The following KLF12 variants were observed in gnomAD, a reference collection of about 807,000 sequenced individuals.
The protein encoded by KLF12 is Krueppel-like factor 12.
A neutral mutation model predicts 37.8 loss-of-function variants in KLF12; 9 were observed. The observed-to-expected ratio is 0.24, with a 90% CI of 0.14 to 0.42. The LOEUF is 0.42. Among genes scored for constraint, KLF12 ranks in the 10% least tolerant of loss-of-function variants. KLF12 has a pLI of 1.00. For synonymous variants in KLF12, 208 were observed against 202.1 expected (o/e 1.03, Z -0.25); for missense variants, 411 against 516.0 (o/e 0.80, Z 1.97).
At chr13:73,793,863 G>A (rs771243705) in intron 5 of KLF12, among the ~76,000 whole-genome samples, 5 of 152,170 alleles carry the variant, frequency 3.3e-5, no homozygotes, top group Non-Finnish European at 5.9e-5. Context: ...CGTCATGATA[G>A]TGAAAACACA....
At chr13:74,219,170 G>C in the KLF12 span, among the ~76,000 whole-genome samples, 2 of 152,082 alleles carry the variant, frequency 1.3e-5, no homozygotes, top group African/African-American at 2.4e-5. Context: ...TGGCCAGGCT[G>C]GTCCTGAACT....
chr13:73,748,748 T>G (rs1878540251), intron 6 of KLF12, among the ~76,000 whole-genome samples: 2 of 152,162 alleles, frequency 1.3e-5, no homozygotes, highest in African/African-American at 4.8e-5. Flanking sequence ...GGAGATATAT[T>G]TTTGTTGTAT....
At chr13:73,855,203 T>C (rs919281556) in intron 3 of KLF12, among the ~76,000 whole-genome samples, 7 of 152,198 alleles carry the variant, frequency 4.6e-5, no homozygotes, top group Non-Finnish European at 1.5e-5. Context: ...CATCATCAGG[T>C]AGTGAGCACA....
chr13:74,144,411 G>A, the KLF12 span, among the ~76,000 whole-genome samples: 2 of 152,106 alleles, frequency 1.3e-5, no homozygotes, highest in Non-Finnish European at 2.9e-5. Context: ...AAGACACAAA[G>A]CATGGCCATT....
the KLF12 span, among the ~76,000 whole-genome samples, chr13:74,172,794 T>C: frequency 1.3e-5 from 2 of 152,126 alleles, no homozygotes; most frequent in East Asian, 3.8e-4. Context: ...GCGACCTGAA[T>C]AAAATTTTAA....
intron 2 of KLF12, among the ~76,000 whole-genome samples, chr13:73,945,229 G>C (rs903368268): frequency 6.6e-6 from 1 of 152,190 alleles, no homozygotes; most frequent in Non-Finnish European, 1.5e-5. Flanking sequence ...AGCACTTTGG[G>C]AGGCTGAGGC....
chr13:74,253,382 C>T, the KLF12 span, among the ~76,000 whole-genome samples: 1 of 152,072 alleles, frequency 6.6e-6, no homozygotes, highest in Non-Finnish European at 1.5e-5. Context: ...CATGTGAAGA[C>T]TTTGAAACCA....
chr13:74,040,445 C>G (rs1374194195), intron 1 of KLF12, among the ~76,000 whole-genome samples: 1 of 152,176 alleles, frequency 6.6e-6, no homozygotes, highest in Non-Finnish European at 1.5e-5. Flanking sequence ...GCAGCCCCGG[C>G]CTGGGACATT....
intron 6 of KLF12, among the ~76,000 whole-genome samples, chr13:73,735,395 C>T (rs921074516): frequency 1.3e-5 from 2 of 152,238 alleles, no homozygotes; most frequent in East Asian, 1.9e-4. Flanking sequence ...CAACAAAAGT[C>T]GGTGCCTCCA....
the KLF12 span, among the ~76,000 whole-genome samples, chr13:74,180,210 A>G: frequency 1.3e-5 from 2 of 152,368 alleles, no homozygotes; most frequent in African/African-American, 4.8e-5. Flanking sequence ...AGTGTTCTTG[A>G]TTAGACAAAA....
At chr13:74,287,057 C>G in the KLF12 span, among the ~76,000 whole-genome samples, 10 of 152,140 alleles carry the variant, frequency 6.6e-5, no homozygotes, top group Non-Finnish European at 1.3e-4. Context: ...TCTTTCCTAG[C>G]CCTGGTCCCA....
At chr13:73,806,783 T>C (rs909996089) in intron 5 of KLF12, among the ~76,000 whole-genome samples, 7 of 151,470 alleles carry the variant, frequency 4.6e-5, no homozygotes, top group African/African-American at 1.7e-4. Flanking sequence ...ATTACATGAG[T>C]TTTCATAGAA....
chr13:73,762,434 AG>A (rs1205788844), intron 6 of KLF12, among the ~76,000 whole-genome samples: 1 of 152,226 alleles, frequency 6.6e-6, no homozygotes, highest in Admixed American at 6.5e-5. Flanking sequence ...CAACAGCCAT[AG>A]GCTTTCCCAA....
chr13:74,077,414 C>A (rs1266142176), intron 1 of KLF12, among the ~76,000 whole-genome samples: 1 of 152,028 alleles, frequency 6.6e-6, no homozygotes, highest in Non-Finnish European at 1.5e-5. Context: ...ATGGCTTCAA[C>A]CTGTAGCAAA....
chr13:73,962,006 A>G (rs1891036632), intron 2 of KLF12: 1 of 455,262 alleles, frequency 2.2e-6, no homozygotes, highest in Non-Finnish European at 4.4e-6. Flanking sequence ...ACTCAAATGA[A>G]CTGAAATTAT....
At position 73,994,860 on chromosome 13, in the gene KLF12, T is replaced by C. The variant is rs1593814525; in HGVS notation, c.33+130A>G. 9 of 658,210 alleles carry C rather than the reference T, an allele frequency of 1.4e-5. No homozygotes were observed. The East Asian group carries it at 2.6e-4, about 19-fold the overall frequency. The allele number at this position is 658,210 out of a possible 1,614,324, so 40.8% of individuals were successfully genotyped here. ...GGAAAAATTACATTTTACAGATAGA[T>C]ATGCACATGTAAGTACTGACCTCTG... On this transcript the variant is annotated intron_variant, in intron 2 of 7. Coordinates refer to ENST00000377669, the MANE Select transcript of KLF12 (RefSeq NM_007249.5).
chr13:73,794,085 T>C (rs1881831673), intron 5 of KLF12, among the ~76,000 whole-genome samples: 2 of 152,230 alleles, frequency 1.3e-5, no homozygotes, highest in African/African-American at 4.8e-5. Context: ...CCAGGTCCAC[T>C]ACTTGGCAGT....
At position 73,845,831 on chromosome 13, in the gene KLF12, G is replaced by A; in HGVS notation, c.666C>T (p.Gly222=). The stretch of plus-strand genomic sequence containing the variant: ...AGGCTTGTTTATGTCTCTTACCTTT[G>A]CCATGGCCTCTCCCATCCTCCAAAA... The change falls in exon 4 of 8, where the codon GGC becomes GGT. Residue 222 remains glycine, a synonymous_variant. Transcript: ENST00000377669. The A allele has an allele frequency of 6.2e-7, 1 of 1,612,462 alleles. No homozygotes were observed. The highest frequency in any genetic ancestry group is 8.5e-7 in the Non-Finnish European group (1 of 1,178,896).
the KLF12 span, among the ~76,000 whole-genome samples, chr13:74,273,718 A>G: frequency 6.6e-6 from 1 of 152,048 alleles, no homozygotes; most frequent in African/African-American, 2.4e-5. Context: ...CTTTTTAGAG[A>G]GTTGATAAAT....
Sources: gnomAD v4.1 joint callset for allele counts (sites outside exome capture counted in the v4.1 genomes callset) on GRCh38, gnomAD v4.1.1 for gene constraint, MANE v1.5 for transcripts, NCBI Gene and HGNC (gene_info 2026-07-23, HGNC 2026-07-21) for gene names.